PIANP: variants seen among roughly 807,000 people sequenced by gnomAD.
The protein encoded by PIANP is PILR alpha-associated neural protein.
In PIANP, 14 loss-of-function variants were observed where a neutral mutation model predicts 28.9. The observed-to-expected ratio is 0.49, with a 90% CI of 0.32 to 0.76. PIANP has a LOEUF of 0.76. Among genes scored for constraint, PIANP ranks in the 30% least tolerant of loss-of-function variants. The pLI, the probability that PIANP is intolerant of heterozygous loss-of-function variation, is 0.03. For missense variants in PIANP, 322 were observed against 371.8 expected, an observed-to-expected ratio of 0.87 and a Z score of 1.10; for synonymous variants, 149 against 156.6, an observed-to-expected ratio of 0.95 and a Z score of 0.36.
chr12:6,697,838 G>T lies in PIANP; in HGVS notation c.18-46C>A. 1 of 1,500,826 alleles carries T rather than the reference G, an allele frequency of 6.7e-7. No homozygotes were observed. Among genetic ancestry groups the T allele is most frequent in the Non-Finnish European group, 8.9e-7 (1 of 1,125,118 alleles). 93.0% of individuals were successfully genotyped at this position (1,500,826 alleles called of 1,614,324 possible). ...TGGCTGAGACACAGGCCTACTGTGG[G>T]CCTATGTGAGGGAGGGACAGGTTCA... On this transcript the variant is annotated intron_variant, in intron 2 of 4. Coordinates refer to ENST00000534837, the MANE Select transcript of PIANP (RefSeq NM_001244014.2). This position sits in a 1 kb window ranked among gnomAD's most constrained non-coding sequence, Gnocchi z 6.9.
chr12:6,699,098 G>C (rs1203301672), intron 1 of PIANP, among the ~76,000 whole-genome samples: 3 of 152,148 alleles, frequency 2.0e-5, no homozygotes, highest in South Asian at 2.1e-4. Flanking sequence ...ACAAAAATTA[G>C]CCGGGGGTAG....
chr12:6,692,713 T>C (rs1009806679), downstream of PIANP, among the ~76,000 whole-genome samples: 1 of 152,180 alleles, frequency 6.6e-6, no homozygotes, highest in Non-Finnish European at 1.5e-5. Flanking sequence ...CTTGTAGCAG[T>C]CCTTTTCTTA....
In PIANP at chr12:6,696,377, T is replaced by G; in HGVS notation, c.605+66A>C. 184 of 1,167,408 alleles carry G rather than the reference T, an allele frequency of 1.6e-4. No homozygotes were observed. The highest frequency in any genetic ancestry group is 1.9e-4 in the Non-Finnish European group (163 of 838,926). The allele number at this position is 1,167,408 out of a possible 1,614,324, so 72.3% of individuals were successfully genotyped here. On this transcript the variant is annotated intron_variant, in intron 4 of 4. Transcript: ENST00000534837. The surrounding 1 kb of genome is among the most constrained non-coding windows in gnomAD (Gnocchi z 4.0). The stretch of plus-strand genomic sequence containing the variant: ...GCAAAATTGCTGCCACTGCCCCTCG[T>G]GGTTAGAGCCTCGACTGCCAAACAT...
At chr12:6,698,218 T>G in intron 1 of PIANP, 114 bp from the exon 2 acceptor site, 1 of 839,214 alleles carries the variant, frequency 1.2e-6, no homozygotes, top group Non-Finnish European at 2.0e-6. Flanking sequence ...CTGCCAGCTA[T>G]GCGGCTGCAC....
At chr12:6,699,380 A>C (rs1360414847) in intron 1 of PIANP, among the ~76,000 whole-genome samples, 3 of 152,012 alleles carry the variant, frequency 2.0e-5, no homozygotes, top group African/African-American at 4.8e-5. Flanking sequence ...TGGGAGATGG[A>C]AGGCTGGTTA....
At position 6,695,715 on chromosome 12, in the gene PIANP, C is replaced by A; in HGVS notation, c.606-64G>T. The A allele has an allele frequency of 1.4e-6, 2 of 1,392,296 alleles. No individual in the cohort carries two copies. The highest frequency in any genetic ancestry group is 1.9e-6 in the Non-Finnish European group (2 of 1,067,602). 86.2% of individuals were successfully genotyped at this position (1,392,296 alleles called of 1,614,324 possible). ...AAGTAGCCCCCATCCTGGGCCTGCACCAGTGGTCACCCCCAGCCTCGCCCA... is the reference window on the plus strand; with the variant it reads ...AAGTAGCCCCCATCCTGGGCCTGCAACAGTGGTCACCCCCAGCCTCGCCCA... On this transcript the variant is annotated intron_variant, in intron 4 of 4. Transcript: ENST00000534837. This position sits in a 1 kb window ranked among gnomAD's most constrained non-coding sequence, Gnocchi z 4.2.
rs916289640 is a variant in PIANP, at chr12:6,696,907, C to T, written c.523+380G>A. Among the ~76,000 whole-genome samples the T allele has an allele frequency of 3.3e-5, 5 of 152,144 alleles. No individual in the cohort carries two copies. The highest frequency in any genetic ancestry group is 4.4e-5 in the Non-Finnish European group (3 of 68,020). On this transcript the variant is annotated intron_variant, in intron 3 of 4. Coordinates refer to ENST00000534837, the MANE Select transcript of PIANP (RefSeq NM_001244014.2). The surrounding 1 kb of genome is among the most constrained non-coding windows in gnomAD (Gnocchi z 4.0). ...GCACTCCCTGAGCCAAGACATCTCCCGGGTAGTGCCCTTCATTCATGGCAT... is the reference window on the plus strand; with the variant it reads ...GCACTCCCTGAGCCAAGACATCTCCTGGGTAGTGCCCTTCATTCATGGCAT...
rs1959926128 is a variant in PIANP, at chr12:6,697,788, C to A, written c.22G>T (p.Ala8Ser). 1 of 1,538,110 alleles carries A rather than the reference C, an allele frequency of 6.5e-7. No individual in the cohort carries two copies. The highest frequency in any genetic ancestry group is 1.2e-5 in the South Asian group (1 of 80,848). ...GGGAGGAGGTGGGACAGCAGCAGCG[C>A]AGGCCTGCAAGAAGGGAGAGAGCGT... MESRMWP[A>S]LLLSHLLPLW... Residue 8 changes from alanine (A) to serine (S), a missense_variant, in exon 3 of 5, where the codon GCG becomes TCG. Transcript: ENST00000534837. The surrounding 1 kb of genome is among the most constrained non-coding windows in gnomAD (Gnocchi z 6.9).
At position 6,696,556 on chromosome 12, in the gene PIANP, C is replaced by A; in HGVS notation, c.524-32G>T. 1.3e-6 allele frequency: 2 copies of A among 1,510,280 alleles called. No homozygotes were observed. Among genetic ancestry groups the A allele is most frequent in the Non-Finnish European group, 1.8e-6 (2 of 1,118,542 alleles). 93.6% of individuals were successfully genotyped at this position (1,510,280 alleles called of 1,614,324 possible). On this transcript the variant is annotated intron_variant, in intron 3 of 4. Transcript: ENST00000534837. The surrounding 1 kb of genome is among the most constrained non-coding windows in gnomAD (Gnocchi z 4.0). ...GGGGTGGGAAGAAAGTTTTAGGGAG[C>A]CCCGAGGTGGTAGGAGCCAAGAGGG... is the stretch of plus-strand genomic sequence containing the variant.
Position 6,698,030 on chromosome 12 carries a change from C to T in PIANP, c.17+15G>A, listed in dbSNP as rs534652326. The T allele has an allele frequency of 1.3e-6, 2 of 1,558,508 alleles. No homozygotes were observed. The highest frequency in any genetic ancestry group is 1.7e-6 in the Non-Finnish European group (2 of 1,150,190). On this transcript the variant is annotated intron_variant, in intron 2 of 4. Transcript: ENST00000534837. Reference sequence around the variant, plus strand: ...GAATGTGGTCTCCAGGCTCCCTCTGCTGGGCCAAACTTACCACATCCTGGA... The same window carrying T: ...GAATGTGGTCTCCAGGCTCCCTCTGTTGGGCCAAACTTACCACATCCTGGA...
chr12:6,695,631 C>T lies in PIANP; in HGVS notation c.626G>A (p.Arg209Gln), dbSNP rs1220291114. The change falls in exon 5 of 5, where the codon CGA becomes CAA. Residue 209 changes from arginine (R) to glutamine (Q), a missense_variant. Coordinates refer to ENST00000534837, the MANE Select transcript of PIANP (RefSeq NM_001244014.2). The surrounding 1 kb of genome is among the most constrained non-coding windows in gnomAD (Gnocchi z 4.2). Reference sequence around the variant, plus strand: ...ACCTTGCTGCCCTGAGGGTCTGCGTCGCTTCTGGCTGCGGTCCCAGCTGGG... The same window carrying T: ...ACCTTGCTGCCCTGAGGGTCTGCGTTGCTTCTGGCTGCGGTCCCAGCTGGG... ...FKFCWDRSQK[R>Q]RRPSGQQGAL... is the part of the protein sequence containing the mutation. 2.6e-6 allele frequency: 4 copies of T among 1,536,504 alleles called. No homozygotes were observed. The highest frequency in any genetic ancestry group is 1.4e-5 in the African/African-American group (1 of 71,688).
In PIANP at chr12:6,694,108, C is replaced by G. The variant is rs1959768750; in HGVS notation, c.*1318G>C. The G allele has an allele frequency of 6.5e-6, 1 of 153,844 alleles. No individual in the cohort carries two copies. Among genetic ancestry groups the G allele is most frequent in the African/African-American group, 2.4e-5 (1 of 41,400 alleles). 9.5% of individuals were successfully genotyped at this position (153,844 alleles called of 1,614,324 possible). On this transcript the variant is annotated 3_prime_UTR_variant, in exon 5 of 5. Transcript: ENST00000534837. The surrounding 1 kb of genome is among the most constrained non-coding windows in gnomAD (Gnocchi z 6.1). ...GCCTTGAACCAGCTGACTCCGGTCC[C>G]TGGCAGCCTAGGTGGAGTTAGGGAG...
chr12:6,697,501 G>A lies in PIANP; in HGVS notation c.309C>T (p.Pro103=). 2 of 1,613,678 alleles carry A rather than the reference G, an allele frequency of 1.2e-6. No individual in the cohort carries two copies. Among genetic ancestry groups the A allele is most frequent in the Non-Finnish European group, 1.7e-6 (2 of 1,179,766 alleles). ...FEEGPPSSQY[P]WAIVWGPTVS... Reference sequence around the variant, plus strand: ...CGGTGGGACCCCACACGATAGCCCAGGGGTATTGGGATGAGGGCGGCCCCT... The same window carrying A: ...CGGTGGGACCCCACACGATAGCCCAAGGGTATTGGGATGAGGGCGGCCCCT... The change falls in exon 3 of 5, where the codon CCC becomes CCT. Residue 103 remains proline, a synonymous_variant. Coordinates refer to ENST00000534837, the MANE Select transcript of PIANP (RefSeq NM_001244014.2). This position sits in a 1 kb window ranked among gnomAD's most constrained non-coding sequence, Gnocchi z 6.9.
In PIANP at chr12:6,697,383, G is replaced by A. The variant is rs745673518; in HGVS notation, c.427C>T (p.Pro143Ser). The A allele has an allele frequency of 2.1e-5, 34 of 1,613,938 alleles. No homozygotes were observed. The highest frequency in any genetic ancestry group is 2.4e-5 in the Non-Finnish European group (28 of 1,179,910). ...AAPHGLATPH[P>S]NSDSMRGDGD... ...TCACCTCGCATGGAGTCTGAGTTGG[G>A]GTGTGGGGTTGCGAGCCCATGAGGG... The change falls in exon 3 of 5, where the codon CCC becomes TCC. Residue 143 changes from proline to serine, a missense_variant. Transcript: ENST00000534837. This position sits in a 1 kb window ranked among gnomAD's most constrained non-coding sequence, Gnocchi z 6.9.
In PIANP at chr12:6,697,365, G is replaced by C. The variant is rs753000806; in HGVS notation, c.445C>G (p.Arg149Gly). 1.2e-6 allele frequency: 2 copies of C among 1,613,896 alleles called. No homozygotes were observed. Among genetic ancestry groups the C allele is most frequent in the African/African-American group, 2.7e-5 (2 of 74,944 alleles). Residue 149 changes from arginine to glycine, a missense_variant, in exon 3 of 5, where the codon CGA (arginine) becomes GGA (glycine). Coordinates refer to ENST00000534837, the MANE Select transcript of PIANP (RefSeq NM_001244014.2). This position sits in a 1 kb window ranked among gnomAD's most constrained non-coding sequence, Gnocchi z 6.9. ...AGGATAAGCCCATCTCCATCACCTC[G>C]CATGGAGTCTGAGTTGGGGTGTGGG... ...ATPHPNSDSM[R>G]GDGDGLILGE... is the part of the protein sequence containing the mutation.
In PIANP at chr12:6,695,479, G is replaced by A. The variant is rs759669108; in HGVS notation, c.778C>T (p.Arg260Trp). 43 of 1,524,278 alleles carry A rather than the reference G, an allele frequency of 2.8e-5. No individual in the cohort carries two copies. Among genetic ancestry groups the A allele is most frequent in the Admixed American group, 6.3e-5 (3 of 47,970 alleles). The allele number at this position is 1,524,278 out of a possible 1,614,324, so 94.4% of individuals were successfully genotyped here. A position where few individuals can be genotyped will look rare whatever the true frequency, so the allele number is the denominator to read the frequency against. Residue 260 changes from arginine (R) to tryptophan (W), a missense_variant, in exon 5 of 5, where the codon CGG becomes TGG. Coordinates refer to ENST00000534837, the MANE Select transcript of PIANP (RefSeq NM_001244014.2). The surrounding 1 kb of genome is among the most constrained non-coding windows in gnomAD (Gnocchi z 4.2). ...CCCTTGGGGTGGGGCATCCCAGGCCGGGGTCCCCCTCGGGGCTCCTCATGG... is the reference window on the plus strand; with the variant it reads ...CCCTTGGGGTGGGGCATCCCAGGCCAGGGTCCCCCTCGGGGCTCCTCATGG... ...PDHEEPRGGPRPGMPHPKGAP... is the reference protein window; with the variant it reads ...PDHEEPRGGPWPGMPHPKGAP...
Position 6,695,637 on chromosome 12 carries a change from T to C in PIANP, c.620A>G (p.Gln207Arg). Residue 207 changes from glutamine (Q) to arginine (R), a missense_variant, in exon 5 of 5, where the codon CAG (glutamine) becomes CGG (arginine). Coordinates refer to ENST00000534837, the MANE Select transcript of PIANP (RefSeq NM_001244014.2). This position sits in a 1 kb window ranked among gnomAD's most constrained non-coding sequence, Gnocchi z 4.2. ...CTGCCCTGAGGGTCTGCGTCGCTTC[T>C]GGCTGCGGTCCCAGCTGGGGTACCA... ...IIFKFCWDRS[Q>R]KRRRPSGQQG... 6.5e-7 allele frequency: 1 copy of C among 1,528,652 alleles called. No homozygotes were observed. The highest frequency in any genetic ancestry group is 8.8e-7 in the Non-Finnish European group (1 of 1,136,616). The allele number at this position is 1,528,652 out of a possible 1,614,324, so 94.7% of individuals were successfully genotyped here. A position where few individuals can be genotyped will look rare whatever the true frequency, so the allele number is the denominator to read the frequency against.
At position 6,697,433 on chromosome 12, in the gene PIANP, C is replaced by G; in HGVS notation, c.377G>C (p.Gly126Ala). ...GGCTGCAAAACCATAGTCCAGAAAT[C>G]CGGGATTGGCAGAGTTGGGGTCCCC... ...DGGDPNSANP[G>A]FLDYGFAAPH... is the part of the protein sequence containing the mutation. Residue 126 changes from glycine to alanine, a missense_variant, in exon 3 of 5, where the codon GGA (glycine) becomes GCA (alanine). Transcript: ENST00000534837. This position sits in a 1 kb window ranked among gnomAD's most constrained non-coding sequence, Gnocchi z 6.9. 1.2e-6 allele frequency: 2 copies of G among 1,614,012 alleles called. No individual in the cohort carries two copies. Among genetic ancestry groups the G allele is most frequent in the East Asian group, 2.2e-5 (1 of 44,890 alleles).
chr12:6,697,271 A>T lies in PIANP; in HGVS notation c.523+16T>A. ...CCTCCCCATCCGTCATATCCCTCCC[A>T]GCCTTTCCCACTCACCTTCCCCACG... On this transcript the variant is annotated intron_variant, in intron 3 of 4. Coordinates refer to ENST00000534837, the MANE Select transcript of PIANP (RefSeq NM_001244014.2). The surrounding 1 kb of genome is among the most constrained non-coding windows in gnomAD (Gnocchi z 6.9). 6.2e-7 allele frequency: 1 copy of T among 1,612,894 alleles called. No homozygotes were observed. The highest frequency in any genetic ancestry group is 8.5e-7 in the Non-Finnish European group (1 of 1,179,546).
Sources: gnomAD v4.1 joint callset for allele counts (sites outside exome capture counted in the v4.1 genomes callset) on GRCh38, gnomAD v4.1.1 for gene constraint, Gnocchi (gnomAD v3.1) non-coding constraint, MANE v1.5 for transcripts, NCBI Gene and HGNC (gene_info 2026-07-23, HGNC 2026-07-21) for gene names.